PPP1R12C: variants seen among roughly 807,000 people sequenced by gnomAD.
The protein encoded by PPP1R12C is leukocyte receptor cluster (LRC) encoded novel gene 3.
Under a neutral mutation model 95.6 loss-of-function variants are expected in PPP1R12C, and 48 were observed. The observed-to-expected ratio is 0.50, with a 90% confidence interval of 0.40 to 0.64. PPP1R12C has a LOEUF of 0.64. Among genes scored for constraint, PPP1R12C ranks in the 30% least tolerant of loss-of-function variants. PPP1R12C has a pLI of 0.00. For missense variants in PPP1R12C, 1,057 were observed against 1,083.3 expected (o/e 0.98, Z 0.34); for synonymous variants, 480 against 460.8 (o/e 1.04, Z -0.53).
chr19:55,091,349 C>G lies in PPP1R12C; in HGVS notation c.*123G>C. On this transcript the variant is annotated 3_prime_UTR_variant, in exon 22 of 22. Coordinates refer to ENST00000263433, the MANE Select transcript of PPP1R12C (RefSeq NM_017607.4). The stretch of plus-strand genomic sequence containing the variant: ...CTGCTCCCCTCCCAGTCCGGAGGTC[C>G]CAGGGGGGCTATGGCTTCTCTGAGA... 3.8e-6 allele frequency: 4 copies of G among 1,060,744 alleles called. No homozygotes were observed. Among genetic ancestry groups the G allele is most frequent in the Non-Finnish European group, 5.5e-6 (4 of 729,492 alleles). 65.7% of individuals were successfully genotyped at this position (1,060,744 alleles called of 1,614,324 possible).
At position 55,099,055 on chromosome 19, in the gene PPP1R12C, C is replaced by T. The variant is rs1293460806; in HGVS notation, c.772G>A (p.Gly258Arg). The T allele has an allele frequency of 6.4e-6, 10 of 1,552,588 alleles. No individual in the cohort carries two copies. The highest frequency in any genetic ancestry group is 1.2e-5 in the South Asian group (1 of 84,252). Residue 258 changes from glycine to arginine, a missense_variant, in exon 5 of 22, where the codon GGG becomes AGG. Gly to Arg is a moderately radical substitution (Grantham distance 125). This residue lies in a region of PPP1R12C where 282 missense variants were observed against 380.4 expected (regional missense o/e 0.74). Transcript: ENST00000263433. Reference sequence around the variant, plus strand: ...GCGTGCAGGGGAGTCCAGCCGTCCCCGTCCCGGAGCTCTGGGTCGTAGCCA... The same window carrying T: ...GCGTGCAGGGGAGTCCAGCCGTCCCTGTCCCGGAGCTCTGGGTCGTAGCCA... Reference protein sequence around the residue: ...QAGYDPELRDGDGWTPLHAAA... With the variant: ...QAGYDPELRDRDGWTPLHAAA...
intron 6 of PPP1R12C, among the ~76,000 whole-genome samples, chr19:55,097,554 ACG>A (rs1568809858): frequency 4.5e-4 from 2 of 4,414 alleles, no homozygotes; most frequent in Non-Finnish European, 1.1e-3. Flanking sequence ...CCCCTTCCCC[ACG>A]CAGTTCACCA....
Position 55,117,503 on chromosome 19 carries a change from G to A in PPP1R12C, c.41C>T (p.Ala14Val), listed in dbSNP as rs1424305645. 2 of 1,024,586 alleles carry A rather than the reference G, an allele frequency of 2.0e-6. No individual in the cohort carries two copies. Among genetic ancestry groups the A allele is most frequent in the Non-Finnish European group, 2.3e-6 (2 of 856,230 alleles). 63.5% of individuals were successfully genotyped at this position (1,024,586 alleles called of 1,614,324 possible). The change falls in exon 1 of 22, where the codon GCG (alanine) becomes GTG (valine). Residue 14 changes from alanine to valine, a missense_variant. Physicochemically the swap from Ala to Val is moderately conservative, Grantham distance 64 (BLOSUM62 0). Around this residue, in one of 5 missense-constraint regions of PPP1R12C, gnomAD observed 70 missense variants for 47.8 expected, o/e 1.46. Coordinates refer to ENST00000263433, the MANE Select transcript of PPP1R12C (RefSeq NM_017607.4). ...TCGCCGCTCCCGGGCAGCCGCCGCC[G>A]CCGCCCCCGGGCCAGCCGCCGGGCC... ...EDGPAAGPGAAAAAARERRRE... is the reference protein window; with the variant it reads ...EDGPAAGPGAVAAAARERRRE...
At chr19:55,105,290 G>A (rs1225915296) in intron 3 of PPP1R12C, among the ~76,000 whole-genome samples, 1 of 152,164 alleles carries the variant, frequency 6.6e-6, no homozygotes, top group Non-Finnish European at 1.5e-5. Flanking sequence ...ATTCAGGGAG[G>A]GGAAGGGAGG....
At chr19:55,104,524 G>A (rs1433269507) in intron 3 of PPP1R12C, among the ~76,000 whole-genome samples, 1 of 151,436 alleles carries the variant, frequency 6.6e-6, no homozygotes, top group Non-Finnish European at 1.5e-5. Context: ...CCAACGTGTT[G>A]AAACCGTGTC....
At chr19:55,115,704 A>T (rs2147217474) in intron 1 of PPP1R12C, among the ~76,000 whole-genome samples, 1 of 152,360 alleles carries the variant, frequency 6.6e-6, no homozygotes, top group African/African-American at 2.4e-5. Flanking sequence ...ACCCAATATC[A>T]GGAGACTAGG....
At position 55,091,318 on chromosome 19, in the gene PPP1R12C, G is replaced by C. The variant is rs1009009957; in HGVS notation, c.*154C>G. The C allele has an allele frequency of 4.9e-6, 4 of 816,578 alleles. No individual in the cohort carries two copies. The African/African-American group carries it at 6.9e-5, about 14-fold the overall frequency. 50.6% of individuals were successfully genotyped at this position (816,578 alleles called of 1,614,324 possible). ...CCTCGGGTGGCCCCCTCGGCTCCTG[G>C]GGACTCTGCTCCCCTCCCAGTCCGG... On this transcript the variant is annotated 3_prime_UTR_variant, in exon 22 of 22. Coordinates refer to ENST00000263433, the MANE Select transcript of PPP1R12C (RefSeq NM_017607.4).
rs764123557 is a variant in PPP1R12C at position 55,098,862 on chromosome 19, G to A, written c.877-4C>T. 1 of 1,613,284 alleles carries A rather than the reference G, an allele frequency of 6.2e-7. No individual in the cohort carries two copies. The highest frequency in any genetic ancestry group is 1.1e-5 in the South Asian group (1 of 91,080). ...CCAGGTCACAGGGACGCTGCCCCTGGGTCAGGGGAGGAGCAGGATCAGACA... is the reference window on the plus strand; with the variant it reads ...CCAGGTCACAGGGACGCTGCCCCTGAGTCAGGGGAGGAGCAGGATCAGACA... On this transcript the variant is annotated splice_region_variant and splice_polypyrimidine_tract_variant and intron_variant, in intron 5 of 21. Coordinates refer to ENST00000263433, the MANE Select transcript of PPP1R12C (RefSeq NM_017607.4).
rs563825854 is a variant in PPP1R12C at position 55,106,278 on chromosome 19, A to G, written c.572-2710T>C. Among the ~76,000 whole-genome samples the G allele has an allele frequency of 3.0e-4, 45 of 152,292 alleles. 2 individuals carry two copies. In the South Asian group the frequency reaches 9.3e-3, roughly 32 times the overall value. On this transcript the variant is annotated intron_variant, in intron 3 of 21. Coordinates refer to ENST00000263433, the MANE Select transcript of PPP1R12C (RefSeq NM_017607.4). ...TCTTTGGTGTGGGCTCCGACCTCTTACTACTGCAAACAATACTATGATGAA... is the reference window on the plus strand; with the variant it reads ...TCTTTGGTGTGGGCTCCGACCTCTTGCTACTGCAAACAATACTATGATGAA...
intron 4 of PPP1R12C, among the ~76,000 whole-genome samples, chr19:55,101,958 G>A (rs1340997048): frequency 6.6e-6 from 1 of 152,118 alleles, no homozygotes; most frequent in Non-Finnish European, 1.5e-5. Context: ...GTACCTCACC[G>A]AGAAAACCTG....
chr19:55,107,566 G>A lies in PPP1R12C; in HGVS notation c.572-3998C>T, dbSNP rs144844090. ...TGTCCTTTGTAGGGACATGGATGAA[G>A]CTGGAAACCATCACTCAGCAAACTA... On this transcript the variant is annotated intron_variant, in intron 3 of 21. Transcript: ENST00000263433. 3.2e-3 allele frequency among the ~76,000 whole-genome samples: 490 copies of A among 152,202 alleles called. 3 individuals carry two copies. Among genetic ancestry groups the A allele is most frequent in the African/African-American group, 0.012 (478 of 41,538 alleles).
intron 9 of PPP1R12C, 40 bp from the exon 10 acceptor site, chr19:55,095,643 C>A (rs2084902551): frequency 6.6e-7 from 1 of 1,518,078 alleles, no homozygotes; most frequent in East Asian, 2.3e-5. Context: ...AGAAAGGATC[C>A]CTCTTCTCAG....
chr19:55,111,156 G>C (rs562209372), intron 3 of PPP1R12C, among the ~76,000 whole-genome samples: 2 of 142,240 alleles, frequency 1.4e-5, no homozygotes, highest in African/African-American at 2.5e-5. Flanking sequence ...GGGGAGGGGG[G>C]GGTGCATGGT....
At position 55,096,215 on chromosome 19, in the gene PPP1R12C, G is replaced by A. The variant is rs776878960; in HGVS notation, c.1026-37C>T. On this transcript the variant is annotated intron_variant, in intron 7 of 21. Transcript: ENST00000263433. Reference sequence around the variant, plus strand: ...GGAGAGGGTGCTGGGGTACAAGCCCGGGGCCTCCAGCCACCCCGCCAGCCC... The same window carrying A: ...GGAGAGGGTGCTGGGGTACAAGCCCAGGGCCTCCAGCCACCCCGCCAGCCC... 30 of 1,612,880 alleles carry A rather than the reference G, an allele frequency of 1.9e-5. No homozygotes were observed. In the Middle Eastern group the frequency reaches 4.9e-4, roughly 27 times the overall value.
chr19:55,116,542 A>AT (rs1479659014), intron 1 of PPP1R12C, among the ~76,000 whole-genome samples: 2 of 152,210 alleles, frequency 1.3e-5, no homozygotes. Flanking sequence ...GCACAGGCCC[A>AT]GGGGAGAGAA....
chr19:55,113,359 C>T lies in PPP1R12C; in HGVS notation c.322-564G>A, dbSNP rs1161892121. On this transcript the variant is annotated intron_variant, in intron 1 of 21. Coordinates refer to ENST00000263433, the MANE Select transcript of PPP1R12C (RefSeq NM_017607.4). ...GCTGGGACAGACTCAGGGGCCTGGG[C>T]GGGACTCCCAGAGGGGTGAGACAGC... 1.2e-5 allele frequency: 16 copies of T among 1,385,806 alleles called. No individual in the cohort carries two copies. In the African/African-American group the frequency reaches 1.8e-4, roughly 15 times the overall value. 85.8% of individuals were successfully genotyped at this position (1,385,806 alleles called of 1,614,324 possible).
At position 55,092,739 on chromosome 19, in the gene PPP1R12C, C is replaced by T. The variant is rs757237540; in HGVS notation, c.1911+44G>A. ...TATGGGAAGGGCTTTGCCCGCCCCC[C>T]GGCCCACCCTCTGCACCAGCTCGGC... On this transcript the variant is annotated intron_variant, in intron 16 of 21. Transcript: ENST00000263433. The T allele has an allele frequency of 5.6e-5, 86 of 1,535,414 alleles. No homozygotes were observed. The Middle Eastern group carries it at 6.8e-4, about 12-fold the overall frequency.
Position 55,109,598 on chromosome 19 carries a change from A to C in PPP1R12C, c.571+2869T>G, listed in dbSNP as rs994108687. ...CAGACCCAGAGAGAGGAAAACAGCA[A>C]GTAAGCCAGGGAAAGCGAAGGGGAT... On this transcript the variant is annotated intron_variant, in intron 3 of 21. Transcript: ENST00000263433. This position sits in a 1 kb window ranked among gnomAD's most constrained non-coding sequence, Gnocchi z 4.4. Among the ~76,000 whole-genome samples the C allele has an allele frequency of 2.6e-5, 4 of 152,252 alleles. No individual in the cohort carries two copies. Among genetic ancestry groups the C allele is most frequent in the Admixed American group, 2.0e-4 (3 of 15,294 alleles).
chr19:55,113,773 AC>A (rs1345146103), intron 1 of PPP1R12C: 1 of 319,098 alleles, frequency 3.1e-6, no homozygotes, highest in East Asian at 5.3e-5. Context: ...TGCCCTGGGA[AC>A]GGGATGAACT....
Sources: gnomAD v4.1 joint callset for allele counts (sites outside exome capture counted in the v4.1 genomes callset) on GRCh38, gnomAD v4.1.1 for gene constraint, gnomAD v4.1.1 regional missense constraint, Gnocchi (gnomAD v3.1) non-coding constraint, MANE v1.5 for transcripts, NCBI Gene and HGNC (gene_info 2026-07-23, HGNC 2026-07-21) for gene names.